Variants in LRIF1 observed in about 807,000 individuals in gnomAD.
LRIF1 encodes the protein ligand dependent nuclear receptor interacting factor 1.
In LRIF1, 32 loss-of-function variants were observed where a neutral mutation model predicts 52.7. That is an observed-to-expected ratio of 0.61 (90% confidence interval 0.46 to 0.82). LRIF1 has a LOEUF of 0.82. LRIF1 is among the 40% of genes least tolerant of loss of function. LRIF1 has a pLI of 0.00. For missense variants in LRIF1, 887 were observed against 892.0 expected (o/e 0.99, Z 0.07); for synonymous variants, 323 against 317.4 (o/e 1.02, Z -0.19).
intron 1 of LRIF1, among the ~76,000 whole-genome samples, chr1:110,957,400 G>A (rs571837666): frequency 1.2e-3 from 164 of 142,100 alleles, no homozygotes; most frequent in African/African-American, 4.0e-3. Context: ...GTGAGGAGGC[G>A]GCGGAGCTTG....
At chr1:110,902,942 G>A in the LRIF1 span, among the ~76,000 whole-genome samples, 198 of 152,254 alleles carry the variant, frequency 1.3e-3, no homozygotes, top group Middle Eastern at 3.4e-3. Flanking sequence ...AGCATGATGC[G>A]GAGAGTGTCT....
At chr1:110,928,112 G>A in the LRIF1 span, among the ~76,000 whole-genome samples, 10 of 152,120 alleles carry the variant, frequency 6.6e-5, no homozygotes, top group Non-Finnish European at 1.0e-4. Context: ...AGTTTTGGCG[G>A]AGTAGGTCTG....
At chr1:110,902,093 C>A in the LRIF1 span, among the ~76,000 whole-genome samples, 73 of 151,508 alleles carry the variant, frequency 4.8e-4, 1 homozygote, top group East Asian at 0.012. Flanking sequence ...ATCTGCTCTT[C>A]TAGTATTCAC....
chr1:110,890,170 A>C, the LRIF1 span, among the ~76,000 whole-genome samples: 96,976 of 151,946 alleles, frequency 0.64, 33,070 homozygotes, highest in Non-Finnish European at 0.77. Flanking sequence ...GCATAATTTT[A>C]ATGGAAAAAA....
At chr1:110,963,059 G>A (rs1202986477) in intron 1 of LRIF1, among the ~76,000 whole-genome samples, 1 of 152,070 alleles carries the variant, frequency 6.6e-6, no homozygotes, top group Admixed American at 6.5e-5. Flanking sequence ...CTTCAAAAAG[G>A]CTGTTCAAAA....
At chr1:110,896,610 G>A in the LRIF1 span, 1 of 1,580,866 alleles carries the variant, frequency 6.3e-7, no homozygotes, top group Non-Finnish European at 8.7e-7. Context: ...TTTTTTCACT[G>A]TTGACTTTCT....
rs897279598 is a variant in LRIF1, at chr1:110,956,099, T to C, written c.69-3284A>G. Among the ~76,000 whole-genome samples the C allele has an allele frequency of 3.3e-5, 5 of 152,170 alleles. No homozygotes were observed. In the East Asian group the frequency reaches 7.7e-4, roughly 23 times the overall value. ...TTTCTTTATGAAAAATCACATGACA[T>C]CATCTGCTAAAAGTAAGAGCAAAAA... is the stretch of plus-strand genomic sequence containing the variant. On this transcript the variant is annotated intron_variant, in intron 1 of 3. Transcript: ENST00000369763.
At chr1:110,956,502 G>A (rs986367570) in intron 1 of LRIF1, among the ~76,000 whole-genome samples, 1 of 152,112 alleles carries the variant, frequency 6.6e-6, no homozygotes. Flanking sequence ...TGGTCTGTAG[G>A]GCCAGATAAA....
At chr1:110,881,196 G>A in the LRIF1 span, among the ~76,000 whole-genome samples, 1,111 of 152,120 alleles carry the variant, frequency 7.3e-3, 6 homozygotes, top group Middle Eastern at 0.037. Context: ...ACAGATTGTT[G>A]TGGCCTTCTG....
At chr1:110,949,747 C>A in intron 3 of LRIF1, 104 bp downstream of exon 3, 1 of 1,231,146 alleles carries the variant, frequency 8.1e-7, no homozygotes, top group East Asian at 2.4e-5. Flanking sequence ...CAGTAACAAC[C>A]ATCATTTATA....
At chr1:110,908,131 C>G in the LRIF1 span, among the ~76,000 whole-genome samples, 1 of 152,188 alleles carries the variant, frequency 6.6e-6, no homozygotes, top group Non-Finnish European at 1.5e-5. Flanking sequence ...TGATTCCTAT[C>G]TCACATCACA....
chr1:110,884,476 AGTTT>A, the LRIF1 span, among the ~76,000 whole-genome samples: 3 of 152,068 alleles, frequency 2.0e-5, no homozygotes, highest in African/African-American at 7.2e-5. Context: ...ACAATCAGTT[AGTTT>A]AAGTTGACTG....
intron 1 of LRIF1, among the ~76,000 whole-genome samples, chr1:110,954,922 T>C (rs1241705414): frequency 6.6e-6 from 1 of 152,236 alleles, no homozygotes; most frequent in Non-Finnish European, 1.5e-5. Flanking sequence ...GAAAGAATCC[T>C]TCTCTTCCTA....
In LRIF1 at chr1:110,947,791, G is replaced by C; in HGVS notation, c.*168C>G. On this transcript the variant is annotated 3_prime_UTR_variant, in exon 4 of 4. Transcript: ENST00000369763. The stretch of plus-strand genomic sequence containing the variant: ...GATACCCCATGTAAATTATTCACAA[G>C]TCATATGTGAATCAACCTTTTCTGT... 5.9e-6 allele frequency: 5 copies of C among 845,412 alleles called. No individual in the cohort carries two copies. The South Asian group carries it at 1.3e-4, about 22-fold the overall frequency. 52.4% of individuals were successfully genotyped at this position (845,412 alleles called of 1,614,324 possible).
intron 1 of LRIF1, among the ~76,000 whole-genome samples, chr1:110,956,253 T>C (rs909989195): frequency 3.0e-4 from 46 of 152,188 alleles, no homozygotes; most frequent in Admixed American, 1.3e-4. Flanking sequence ...TATGAATTTA[T>C]AGTGGTACTA....
At chr1:110,903,244 G>C in the LRIF1 span, among the ~76,000 whole-genome samples, 4 of 152,200 alleles carry the variant, frequency 2.6e-5, no homozygotes, top group African/African-American at 9.6e-5. Context: ...ACCAGGCCCA[G>C]AGACAGTGGA....
chr1:110,954,171 C>T (rs971780041), intron 1 of LRIF1, among the ~76,000 whole-genome samples: 2 of 152,048 alleles, frequency 1.3e-5, no homozygotes, highest in East Asian at 1.9e-4. Context: ...TCTATGTATC[C>T]GTAGAAATTT....
the LRIF1 span, chr1:110,941,966 A>G: frequency 6.6e-6 from 1 of 152,110 alleles, no homozygotes; most frequent in Non-Finnish European, 1.5e-5. Flanking sequence ...ACATGAAGGT[A>G]GCATGCTATG....
At chr1:110,960,079 A>T (rs1288803530) in intron 1 of LRIF1, among the ~76,000 whole-genome samples, 1 of 152,196 alleles carries the variant, frequency 6.6e-6, no homozygotes, top group African/African-American at 2.4e-5. Context: ...GTTGTTACTA[A>T]CTCTAATCCT....
Sources: allele counts gnomAD v4.1 joint callset (sites outside exome capture counted in the v4.1 genomes callset), GRCh38; gene constraint gnomAD v4.1.1; transcripts MANE v1.5; gene names NCBI Gene and HGNC (gene_info 2026-07-23, HGNC 2026-07-21).